GPN3: variants seen among roughly 807,000 people sequenced by gnomAD.
The protein encoded by GPN3 is ATP-binding domain 1 family member C.
A neutral mutation model predicts 38.7 loss-of-function variants in GPN3; 31 were observed. That is an observed-to-expected ratio of 0.80 (90% CI 0.60 to 1.08). GPN3 has a LOEUF of 1.08. Among genes scored for constraint, GPN3 ranks in the 50% least tolerant of loss-of-function variants. The probability of loss-of-function intolerance (pLI) is 0.00; values close to 1 mark genes in which losing one functional copy is unlikely to be tolerated. For synonymous variants in GPN3, 116 were observed against 120.2 expected, an observed-to-expected ratio of 0.96 and a Z score of 0.23; for missense variants, 301 against 354.4, an observed-to-expected ratio of 0.85 and a Z score of 1.21.
Position 110,458,607 on chromosome 12 carries a change from CCT to C in GPN3, c.326-975_326-974del, listed in dbSNP as rs1317593106. On this transcript the variant is annotated intron_variant, in intron 3 of 7. Transcript: ENST00000228827. This position sits in a 1 kb window ranked among gnomAD's most constrained non-coding sequence, Gnocchi z 4.4. ...ACCAGCCTGGCCAACACAGTGAAACCCTGTCTCTACTAAAAATACAAAAATAG... is the reference window on the plus strand; with the variant it reads ...ACCAGCCTGGCCAACACAGTGAAACCGTCTCTACTAAAAATACAAAAATAG... 1.3e-5 allele frequency among the ~76,000 whole-genome samples: 2 copies of C among 151,950 alleles called. No individual in the cohort carries two copies. Among genetic ancestry groups the C allele is most frequent in the Non-Finnish European group, 2.9e-5 (2 of 67,982 alleles).
At chr12:110,465,057 C>T in intron 2 of GPN3, 49 bp downstream of exon 2, 1 of 952,534 alleles carries the variant, frequency 1.0e-6, no homozygotes, top group Admixed American at 1.7e-5. Context: ...ACTGCCTCCC[C>T]AGCCCTTACT....
At chr12:110,461,484 C>T (rs1222207344) in intron 2 of GPN3, 1 of 471,428 alleles carries the variant, frequency 2.1e-6, no homozygotes, top group Non-Finnish European at 3.8e-6. Context: ...CCTGTAATCC[C>T]AGCTGCTCGG....
In GPN3 at chr12:110,454,403, T is replaced by G. The variant is rs569115937; in HGVS notation, c.664-532A>C. Reference sequence around the variant, plus strand: ...CTTTTTTTTTCTTTTTTTTTTTTTTTGGGGAGACAGAGTTTCGCTCTTGTT... The same window carrying G: ...CTTTTTTTTTCTTTTTTTTTTTTTTGGGGGAGACAGAGTTTCGCTCTTGTT... On this transcript the variant is annotated intron_variant, in intron 6 of 7. Transcript: ENST00000228827. Among the ~76,000 whole-genome samples the G allele has an allele frequency of 7.5e-3, 1,129 of 151,252 alleles. 1 individual carries two copies. The highest frequency in any genetic ancestry group is 9.8e-3 in the Non-Finnish European group (662 of 67,754).
In GPN3 at chr12:110,453,041, T is replaced by C. The variant is rs373419093; in HGVS notation, c.848A>G (p.Asp283Gly). ...TTACTTTTAGTAAACTCTTCATTCA[T>C]CCTGGCATTCTTGAAAATATTCGTC... is the stretch of plus-strand genomic sequence containing the variant. ...MFDEYFQECQ[D>G]E The change falls in exon 8 of 8, where the codon GAT becomes GGT. Residue 283 changes from aspartate to glycine, a missense_variant. Asp to Gly is a moderately conservative substitution (Grantham distance 94, BLOSUM62 -1). Transcript: ENST00000228827. 30 of 1,383,244 alleles carry C rather than the reference T, an allele frequency of 2.2e-5. No individual in the cohort carries two copies. Among genetic ancestry groups the C allele is most frequent in the Non-Finnish European group, 2.8e-5 (27 of 969,422 alleles). The allele number at this position is 1,383,244 out of a possible 1,614,324, so 85.7% of individuals were successfully genotyped here. A position where few individuals can be genotyped will look rare whatever the true frequency, so the allele number is the denominator to read the frequency against.
At chr12:110,466,225 T>G (rs1381265532) in intron 1 of GPN3, among the ~76,000 whole-genome samples, 1 of 152,200 alleles carries the variant, frequency 6.6e-6, no homozygotes, top group Non-Finnish European at 1.5e-5. Context: ...ATTGACTTAT[T>G]ATGTTTAAAG....
At position 110,459,671 on chromosome 12, in the gene GPN3, A is replaced by G. The variant is rs564825241; in HGVS notation, c.325+24T>C. Reference sequence around the variant, plus strand: ...GAACTATCAAGACTTTAAGGAAGACAATGCATTCAAATTGTTGATTCACCT... The same window carrying G: ...GAACTATCAAGACTTTAAGGAAGACGATGCATTCAAATTGTTGATTCACCT... On this transcript the variant is annotated intron_variant, in intron 3 of 7. Transcript: ENST00000228827. 11 of 1,515,318 alleles carry G rather than the reference A, an allele frequency of 7.3e-6. No individual in the cohort carries two copies. In the South Asian group the frequency reaches 1.1e-4, roughly 16 times the overall value. 93.9% of individuals were successfully genotyped at this position (1,515,318 alleles called of 1,614,324 possible).
At chr12:110,460,837 G>A (rs940612792) in intron 2 of GPN3, among the ~76,000 whole-genome samples, 8 of 152,134 alleles carry the variant, frequency 5.3e-5, no homozygotes, top group South Asian at 2.1e-4. Context: ...GGCGGCGCAC[G>A]CCTGTAGTTC....
At chr12:110,462,465 C>A (rs971671670) in intron 2 of GPN3, among the ~76,000 whole-genome samples, 1 of 152,220 alleles carries the variant, frequency 6.6e-6, no homozygotes, top group South Asian at 2.1e-4. Flanking sequence ...CAATCCCCCA[C>A]AAAATGCTGT....
intron 3 of GPN3, among the ~76,000 whole-genome samples, chr12:110,459,156 C>T (rs192034695): frequency 1.7e-3 from 254 of 152,290 alleles, no homozygotes; most frequent in Admixed American, 4.8e-3. Context: ...AATGTGAGCT[C>T]CATGAGGCCA....
upstream of GPN3, chr12:110,468,711 C>T: frequency 4.6e-6 from 7 of 1,509,904 alleles, 1 homozygote; most frequent in Admixed American, 1.2e-4. Flanking sequence ...CCGCAGCGCT[C>T]CTGCCCCTCC....
chr12:110,466,173 C>T (rs753202267), intron 1 of GPN3, among the ~76,000 whole-genome samples: 4 of 152,016 alleles, frequency 2.6e-5, no homozygotes, highest in Non-Finnish European at 4.4e-5. Flanking sequence ...CAGGGACTAG[C>T]GCAATACCTA....
Position 110,453,648 on chromosome 12 carries a change from C to T in GPN3, c.792+95G>A, listed in dbSNP as rs907613327. 5 of 955,298 alleles carry T rather than the reference C, an allele frequency of 5.2e-6. No individual in the cohort carries two copies. In the Admixed American group the frequency reaches 6.6e-5, roughly 13 times the overall value. The allele number at this position is 955,298 out of a possible 1,614,324, so 59.2% of individuals were successfully genotyped here. A position where few individuals can be genotyped will look rare whatever the true frequency, so the allele number is the denominator to read the frequency against. On this transcript the variant is annotated intron_variant, in intron 7 of 7. Coordinates refer to ENST00000228827, the MANE Select transcript of GPN3 (RefSeq NM_016301.4). ...TAACTGCCATCAATAAGACAAAAAA[C>T]TAATTTAAGGAGTCGCCTGGATTAT...
intron 1 of GPN3, among the ~76,000 whole-genome samples, chr12:110,467,073 C>G (rs141402912): frequency 6.6e-6 from 1 of 152,256 alleles, no homozygotes; most frequent in Non-Finnish European, 1.5e-5. Flanking sequence ...ACCACAGCCT[C>G]AACCTCCTGG....
chr12:110,468,410 TGC>T, upstream of GPN3: 1 of 1,532,554 alleles, frequency 6.5e-7, no homozygotes, highest in South Asian at 1.2e-5. Context: ...GGAGAGGATT[TGC>T]GCGTGCGCAA....
chr12:110,453,315 C>A (rs1301355735), intron 7 of GPN3, among the ~76,000 whole-genome samples: 1 of 152,098 alleles, frequency 6.6e-6, no homozygotes, highest in Non-Finnish European at 1.5e-5. Context: ...ATCCCAGAAG[C>A]ATTTCTCATT....
In GPN3 at chr12:110,459,811, C is replaced by G; in HGVS notation, c.209G>C (p.Arg70Pro). The change falls in exon 3 of 8, where the codon CGA becomes CCA. Residue 70 changes from arginine to proline, a missense_variant. Coordinates refer to ENST00000228827, the MANE Select transcript of GPN3 (RefSeq NM_016301.4). ...VDDVMEDDSL[R>P]FGPNGGLVFC... ...TACCAATCCTCCGTTGGGACCGAAT[C>G]GCAGAGAATCATCCTCCATTACATC... 1 of 1,613,836 alleles carries G rather than the reference C, an allele frequency of 6.2e-7. No individual in the cohort carries two copies. Among genetic ancestry groups the G allele is most frequent in the Non-Finnish European group, 8.5e-7 (1 of 1,179,724 alleles).
chr12:110,456,295 T>C (rs1336387803), intron 4 of GPN3, among the ~76,000 whole-genome samples: 2 of 142,324 alleles, frequency 1.4e-5, no homozygotes, highest in African/African-American at 5.4e-5. Context: ...CGCCACCACA[T>C]TCCAGCCTGG....
intron 6 of GPN3, among the ~76,000 whole-genome samples, chr12:110,454,340 T>C (rs1165202258): frequency 6.6e-6 from 1 of 152,074 alleles, no homozygotes. Context: ...GGCAAACACT[T>C]GACCAGGTGT....
Position 110,461,241 on chromosome 12 carries a change from G to C in GPN3, c.158-1379C>G, listed in dbSNP as rs542111980. ...ATAAGGAATGTCCCATACTGAATCC[G>C]TGTGCAGCTGTCCAGAAAACGTAAT... On this transcript the variant is annotated intron_variant, in intron 2 of 7. Coordinates refer to ENST00000228827, the MANE Select transcript of GPN3 (RefSeq NM_016301.4). The C allele has an allele frequency of 1.3e-5, 17 of 1,300,592 alleles. No individual in the cohort carries two copies. In the African/African-American group the frequency reaches 2.5e-4, roughly 19 times the overall value. 80.6% of individuals were successfully genotyped at this position (1,300,592 alleles called of 1,614,324 possible). A position where few individuals can be genotyped will look rare whatever the true frequency, so the allele number is the denominator to read the frequency against.
Sources: gnomAD v4.1 joint callset for allele counts (sites outside exome capture counted in the v4.1 genomes callset) on GRCh38, gnomAD v4.1.1 for gene constraint, Gnocchi (gnomAD v3.1) non-coding constraint, MANE v1.5 for transcripts, NCBI Gene and HGNC (gene_info 2026-07-23, HGNC 2026-07-21) for gene names.